Variants in MITF observed in about 807,000 individuals in gnomAD.
MITF encodes the protein microphthalmia-associated transcription factor.
MITF carries 17 observed loss-of-function variants against 60.5 expected under a neutral mutation model. The observed-to-expected ratio is 0.28, with a 90% CI of 0.19 to 0.42. MITF has a LOEUF of 0.42. MITF is among the 10% of genes least tolerant of loss of function. MITF has a pLI of 1.00. For missense variants in MITF, 622 were observed against 683.5 expected, an observed-to-expected ratio of 0.91 and a Z score of 1.00; for synonymous variants, 260 against 248.5, an observed-to-expected ratio of 1.05 and a Z score of -0.43.
At chr3:69,939,480 A>G (rs1022941234) in intron 4 of MITF, among the ~76,000 whole-genome samples, 2 of 152,140 alleles carry the variant, frequency 1.3e-5, no homozygotes, top group Non-Finnish European at 1.5e-5. Flanking sequence ...CATATATGTT[A>G]TACAAATTTG....
chr3:69,744,376 A>T (rs920801894), intron 1 of MITF, among the ~76,000 whole-genome samples: 2 of 152,074 alleles, frequency 1.3e-5, no homozygotes, highest in Non-Finnish European at 2.9e-5. Context: ...ATCTGAGGGA[A>T]CCACTAGCAT....
intron 1 of MITF, among the ~76,000 whole-genome samples, chr3:69,775,189 C>G (rs184007655): frequency 9.9e-5 from 15 of 152,228 alleles, no homozygotes; most frequent in Admixed American, 7.2e-4. Flanking sequence ...TCCGTATGTT[C>G]AGTGTTTGTT....
At chr3:69,882,615 T>C (rs1444407903) in intron 2 of MITF, among the ~76,000 whole-genome samples, 2 of 152,154 alleles carry the variant, frequency 1.3e-5, no homozygotes, top group Non-Finnish European at 2.9e-5. Context: ...CTTCCACAAG[T>C]GGGTTTTGCT....
chr3:69,850,776 C>G (rs2063811423), intron 1 of MITF, among the ~76,000 whole-genome samples: 1 of 152,154 alleles, frequency 6.6e-6, no homozygotes, highest in Non-Finnish European at 1.5e-5. Flanking sequence ...AGAATGCCAG[C>G]TAATGGAAAT....
chr3:69,889,774 A>G (rs2064716571), intron 2 of MITF, among the ~76,000 whole-genome samples: 1 of 152,118 alleles, frequency 6.6e-6, no homozygotes, highest in Non-Finnish European at 1.5e-5. Flanking sequence ...CTTGTTTCAA[A>G]CGTATTCAAA....
chr3:69,877,210 G>C (rs1392041821), intron 1 of MITF, among the ~76,000 whole-genome samples: 1 of 152,040 alleles, frequency 6.6e-6, no homozygotes, highest in East Asian at 1.9e-4. Flanking sequence ...CATTCTCATA[G>C]TATGGGACAA....
At chr3:69,923,277 G>T (rs938382454) in intron 2 of MITF, among the ~76,000 whole-genome samples, 2 of 152,124 alleles carry the variant, frequency 1.3e-5, no homozygotes, top group African/African-American at 4.8e-5. Context: ...ATTGTAATGA[G>T]GATTAAATAA....
intron 1 of MITF, among the ~76,000 whole-genome samples, chr3:69,836,047 A>G (rs989551259): frequency 5.9e-5 from 9 of 152,084 alleles, no homozygotes; most frequent in African/African-American, 1.4e-4. Context: ...TAATAAAGCT[A>G]TAGATTGGTT....
rs769968830 is a variant in MITF at position 69,939,183 on chromosome 3, T to G, written c.666+2T>G. On this transcript the variant is annotated splice_donor_variant, in intron 4 of 9. Coordinates refer to ENST00000352241, the MANE Select transcript of MITF (RefSeq NM_001354604.2). LOFTEE classifies it high-confidence loss of function. The stretch of plus-strand genomic sequence containing the variant: ...CATTCACGAGCGTCCTGTATGCAGG[T>G]ACTGAATGACTTGGCAGCCTGAGGA... 1 of 1,613,638 alleles carries G rather than the reference T, an allele frequency of 6.2e-7. No individual in the cohort carries two copies.
chr3:69,863,127 C>G lies in MITF; in HGVS notation c.105-16007C>G, dbSNP rs541321704. ...ATTCATTTTAAAGATATTCATCAAG[C>G]CATGGACTGTTTATTCTGCTGAGTT... On this transcript the variant is annotated intron_variant, in intron 1 of 9. Transcript: ENST00000352241. 3.3e-5 allele frequency among the ~76,000 whole-genome samples: 5 copies of G among 152,222 alleles called. No homozygotes were observed. In the South Asian group the frequency reaches 1.0e-3, roughly 32 times the overall value.
At chr3:69,866,174 G>A in intron 1 of MITF, 2 of 1,548,002 alleles carry the variant, frequency 1.3e-6, no homozygotes, top group Admixed American at 4.2e-5. Context: ...AGCTGTGTTT[G>A]GATTGGAGTT....
At chr3:69,800,641 T>A (rs1244343903) in intron 1 of MITF, among the ~76,000 whole-genome samples, 6 of 152,170 alleles carry the variant, frequency 3.9e-5, no homozygotes, top group Admixed American at 3.9e-4. Context: ...TAAAAAAAAA[T>A]TATAGCCATC....
At chr3:69,821,634 A>G (rs2063273492) in intron 1 of MITF, among the ~76,000 whole-genome samples, 2 of 149,960 alleles carry the variant, frequency 1.3e-5, no homozygotes, top group Admixed American at 1.3e-4. Flanking sequence ...GTAGATAACC[A>G]TCAAGGCTAA....
At chr3:69,819,315 C>T (rs1322944874) in intron 1 of MITF, among the ~76,000 whole-genome samples, 4 of 152,158 alleles carry the variant, frequency 2.6e-5, no homozygotes, top group African/African-American at 9.7e-5. Flanking sequence ...CTAATTTAAG[C>T]CCTGCTAAAT....
intron 1 of MITF, among the ~76,000 whole-genome samples, chr3:69,825,260 A>G (rs1484846069): frequency 1.3e-5 from 2 of 152,202 alleles, no homozygotes; most frequent in Non-Finnish European, 2.9e-5. Context: ...GATTTGTTCA[A>G]AGGAGCGTGA....
intron 2 of MITF, among the ~76,000 whole-genome samples, chr3:69,900,182 A>G (rs9812463): frequency 1 from 151,921 of 152,222 alleles, 75,810 homozygotes; most frequent in East Asian, 1. Flanking sequence ...GAAAACAGTG[A>G]CCTTCCTGGT....
At chr3:69,803,097 A>C (rs1273629648) in intron 1 of MITF, among the ~76,000 whole-genome samples, 5 of 152,204 alleles carry the variant, frequency 3.3e-5, no homozygotes, top group Non-Finnish European at 5.9e-5. Flanking sequence ...ATTCTTATGC[A>C]GCTTCTGTTT....
At chr3:69,885,447 G>A (rs906777072) in intron 2 of MITF, among the ~76,000 whole-genome samples, 1 of 152,080 alleles carries the variant, frequency 6.6e-6, no homozygotes, top group African/African-American at 2.4e-5. Flanking sequence ...AAAAACTGGA[G>A]TGGGCCTAGT....
chr3:69,925,499 AT>A (rs2107444072), intron 2 of MITF, among the ~76,000 whole-genome samples: 1 of 152,338 alleles, frequency 6.6e-6, no homozygotes, highest in South Asian at 2.1e-4. Context: ...CTGTTTTTAA[AT>A]TAGACTTAGT....
Sources: allele counts gnomAD v4.1 joint callset (sites outside exome capture counted in the v4.1 genomes callset), GRCh38; gene constraint gnomAD v4.1.1; transcripts MANE v1.5; gene names NCBI Gene and HGNC (gene_info 2026-07-23, HGNC 2026-07-21).